PREX2: variants seen among roughly 807,000 people sequenced by gnomAD.
The protein encoded by PREX2 is phosphatidylinositol-3,4,5-trisphosphate dependent Rac exchange factor 2, also known as phosphatidylinositol 3,4,5-trisphosphate-dependent Rac exchanger 2 protein.
PREX2 carries 107 observed loss-of-function variants against 203.2 expected under a neutral mutation model. The observed-to-expected ratio is 0.53, with a 90% CI of 0.45 to 0.62. PREX2 has a LOEUF of 0.62. PREX2 is among the 20% of genes least tolerant of loss of function. The pLI, the probability that PREX2 is intolerant of heterozygous loss-of-function variation, is 0.00. For synonymous variants in PREX2, 672 were observed against 663.6 expected (o/e 1.01, Z -0.19); for missense variants, 1,777 against 1,955.9 (o/e 0.91, Z 1.72).
intron 8 of PREX2, among the ~76,000 whole-genome samples, chr8:68,045,977 G>A (rs147793388): frequency 6.6e-6 from 1 of 151,998 alleles, no homozygotes; most frequent in Non-Finnish European, 1.5e-5. Context: ...ATGTTCAAGA[G>A]ACTACCCAAA....
chr8:67,986,247 G>T (rs1300979669), intron 1 of PREX2, among the ~76,000 whole-genome samples: 2 of 152,212 alleles, frequency 1.3e-5, no homozygotes, highest in Non-Finnish European at 2.9e-5. Flanking sequence ...TAATCCCAGA[G>T]AGTAGGCACT....
chr8:68,007,226 A>G (rs1447552811), intron 1 of PREX2, among the ~76,000 whole-genome samples: 1 of 152,170 alleles, frequency 6.6e-6, no homozygotes, highest in Non-Finnish European at 1.5e-5. Flanking sequence ...AATAATTGTT[A>G]TCCTAGGTTT....
Position 68,053,158 on chromosome 8 carries a change from A to T in PREX2, c.1005A>T (p.Lys335Asn), listed in dbSNP as rs1808571112. ...VNGWKIHNTA[K>N]NKWFVCMAKT... ...GATGGAAGATACATAACACAGCAAA[A>T]AATAAATGGTTTGTTTGTATGGCAA... The change falls in exon 9 of 40, where the codon AAA becomes AAT. Residue 335 changes from lysine (K) to asparagine (N), a missense_variant. Physicochemically the swap from Lys to Asn is moderately conservative, Grantham distance 94. Coordinates refer to ENST00000288368, the MANE Select transcript of PREX2 (RefSeq NM_024870.4). 6.2e-7 allele frequency: 1 copy of T among 1,613,776 alleles called. No individual in the cohort carries two copies. The highest frequency in any genetic ancestry group is 2.2e-5 in the East Asian group (1 of 44,852).
At chr8:68,113,335 A>G (rs1187224396) in intron 25 of PREX2, among the ~76,000 whole-genome samples, 6 of 152,220 alleles carry the variant, frequency 3.9e-5, no homozygotes, top group African/African-American at 9.6e-5. Context: ...TAAAAGATAC[A>G]TAAGCACAGA....
rs566152778 is a variant in PREX2 at position 68,111,652 on chromosome 8, C to T, written c.3146+2029C>T. ...ACAGTGAGCAAATGATTGGAGAAAC[C>T]ACCTTGGTCTTCTTTGGGTACACCA... On this transcript the variant is annotated intron_variant, in intron 25 of 39. Coordinates refer to ENST00000288368, the MANE Select transcript of PREX2 (RefSeq NM_024870.4). 4.9e-4 allele frequency among the ~76,000 whole-genome samples: 74 copies of T among 152,202 alleles called. 1 individual carries two copies. Among genetic ancestry groups the T allele is most frequent in the African/African-American group, 1.6e-3 (66 of 41,540 alleles).
chr8:68,063,025 G>T (rs16934093), intron 11 of PREX2, among the ~76,000 whole-genome samples: 2 of 152,020 alleles, frequency 1.3e-5, no homozygotes, highest in African/African-American at 4.8e-5. Context: ...ATGATTTTGC[G>T]CTTGTTTCAT....
At chr8:68,070,561 T>C (rs181721705) in intron 13 of PREX2, among the ~76,000 whole-genome samples, 82 of 152,256 alleles carry the variant, frequency 5.4e-4, no homozygotes, top group Non-Finnish European at 1.9e-4. Context: ...TACACTGATA[T>C]ACCTTAACTG....
intron 1 of PREX2, among the ~76,000 whole-genome samples, chr8:67,986,605 A>G (rs941090882): frequency 6.6e-6 from 1 of 152,232 alleles, no homozygotes. Context: ...TCATAGATTT[A>G]CATGTGTATC....
At chr8:68,207,752 C>A (rs1353287799) in intron 37 of PREX2, among the ~76,000 whole-genome samples, 1 of 152,072 alleles carries the variant, frequency 6.6e-6, no homozygotes, top group African/African-American at 2.4e-5. Flanking sequence ...GCTTCAGTAA[C>A]TTGCCCAAGG....
rs189417330 is a variant in PREX2 at position 68,067,194 on chromosome 8, G to A, written c.1340-1839G>A. 9.1e-4 allele frequency among the ~76,000 whole-genome samples: 138 copies of A among 152,110 alleles called. 1 individual carries two copies. The highest frequency in any genetic ancestry group is 3.2e-3 in the African/African-American group (131 of 41,526). ...GTTCCTTTTGTTCAAGGTTGCTTTG[G>A]CTATTGTGGGTCTTTTGTGCTTCTA... On this transcript the variant is annotated intron_variant, in intron 11 of 39. Transcript: ENST00000288368.
At chr8:67,955,127 G>A (rs1805463340) in intron 1 of PREX2, among the ~76,000 whole-genome samples, 1 of 114,782 alleles carries the variant, frequency 8.7e-6, no homozygotes, top group Non-Finnish European at 1.6e-5. Context: ...CTGCCTGGAT[G>A]ACAGAGCGAG....
chr8:68,082,550 G>A (rs1244835226), intron 17 of PREX2: 1 of 152,238 alleles, frequency 6.6e-6, no homozygotes, highest in Non-Finnish European at 1.5e-5. Flanking sequence ...TTCAGAGGAT[G>A]GTCTTAGAGC....
intron 35 of PREX2, among the ~76,000 whole-genome samples, chr8:68,164,350 T>TTATA (rs71253066): frequency 8.9e-6 from 1 of 112,704 alleles, no homozygotes; most frequent in Non-Finnish European, 1.9e-5. Flanking sequence ...TTAATATGTA[T>TTATA]TATATATATA....
intron 31 of PREX2, among the ~76,000 whole-genome samples, chr8:68,128,989 C>G (rs1052712594): frequency 6.6e-5 from 10 of 152,112 alleles, no homozygotes; most frequent in African/African-American, 2.2e-4. Context: ...ACAAAAATAT[C>G]TGAGAGTTTC....
At chr8:68,093,575 T>G in intron 20 of PREX2, 30 bp from the exon 21 acceptor site, 2 of 1,124,620 alleles carry the variant, frequency 1.8e-6, no homozygotes, top group Middle Eastern at 3.9e-4. Flanking sequence ...CACTAATACC[T>G]CTGAGGTTTC....
At chr8:68,196,970 T>C (rs1052538332) in intron 37 of PREX2, among the ~76,000 whole-genome samples, 4 of 152,070 alleles carry the variant, frequency 2.6e-5, no homozygotes, top group Non-Finnish European at 4.4e-5. Context: ...AGAGCAGAAA[T>C]GTATTTTCTC....
intron 1 of PREX2, among the ~76,000 whole-genome samples, chr8:67,954,818 A>G (rs2129016455): frequency 6.6e-6 from 1 of 152,328 alleles, no homozygotes; most frequent in South Asian, 2.1e-4. Flanking sequence ...TACTAAGAAC[A>G]TATTTTTACT....
At chr8:68,008,062 G>C (rs928767565) in intron 1 of PREX2, among the ~76,000 whole-genome samples, 2 of 152,172 alleles carry the variant, frequency 1.3e-5, no homozygotes, top group Non-Finnish European at 2.9e-5. Context: ...GCAGAGTTGG[G>C]TTTCAAATCC....
chr8:68,176,462 G>C (rs1484182025), intron 35 of PREX2, among the ~76,000 whole-genome samples: 1 of 152,146 alleles, frequency 6.6e-6, no homozygotes, highest in African/African-American at 2.4e-5. Flanking sequence ...GGAAGATGGA[G>C]AGTTGGCCAA....
Sources: gnomAD v4.1 joint callset for allele counts (sites outside exome capture counted in the v4.1 genomes callset) on GRCh38, gnomAD v4.1.1 for gene constraint, MANE v1.5 for transcripts, NCBI Gene and HGNC (gene_info 2026-07-23, HGNC 2026-07-21) for gene names.